Variants in FAM13A observed in about 807,000 individuals in gnomAD.
FAM13A encodes the protein protein FAM13A.
In FAM13A, 76 loss-of-function variants were observed where a neutral mutation model predicts 129.6. The observed-to-expected ratio is 0.59, with a 90% CI of 0.49 to 0.71. The LOEUF is 0.71. FAM13A is among the 30% of genes least tolerant of loss of function. FAM13A has a pLI of 0.00. For synonymous variants in FAM13A, 443 were observed against 449.9 expected (o/e 0.98, Z 0.20); for missense variants, 1,108 against 1,249.3 (o/e 0.89, Z 1.70).
At chr4:88,748,497 TTACA>T (rs1418551940) in intron 17 of FAM13A, among the ~76,000 whole-genome samples, 2 of 152,212 alleles carry the variant, frequency 1.3e-5, no homozygotes, top group Admixed American at 1.3e-4. Flanking sequence ...TCTGTATGAC[TTACA>T]CACCTTATTC....
intron 2 of FAM13A, among the ~76,000 whole-genome samples, chr4:89,027,144 C>G (rs1768067958): frequency 6.6e-6 from 1 of 152,146 alleles, no homozygotes; most frequent in Non-Finnish European, 1.5e-5. Flanking sequence ...TTCTCCTATA[C>G]ATACATATCT....
At chr4:88,880,567 G>A (rs1242188123) in intron 6 of FAM13A, among the ~76,000 whole-genome samples, 4 of 152,070 alleles carry the variant, frequency 2.6e-5, no homozygotes, top group Non-Finnish European at 4.4e-5. Context: ...AATTTCCACC[G>A]AACGCAGAGT....
intron 4 of FAM13A, among the ~76,000 whole-genome samples, chr4:88,970,782 C>T (rs1305368736): frequency 2.6e-5 from 4 of 151,820 alleles, no homozygotes; most frequent in Admixed American, 2.6e-4. Context: ...GGACAGATGG[C>T]TTAATACGTT....
At chr4:88,744,790 T>C (rs1419935582) in intron 19 of FAM13A, among the ~76,000 whole-genome samples, 6 of 151,728 alleles carry the variant, frequency 4.0e-5, no homozygotes, top group African/African-American at 4.8e-5. Context: ...CCTGAGGAGG[T>C]TGGAGCATCA....
At chr4:88,767,764 C>A (rs1745970194) in intron 12 of FAM13A, among the ~76,000 whole-genome samples, 169 bp from the exon 13 acceptor site, 2 of 152,102 alleles carry the variant, frequency 1.3e-5, no homozygotes, top group Non-Finnish European at 2.9e-5. Context: ...CAAAACAAAG[C>A]AAACTGGAAA....
At chr4:88,972,299 CT>C (rs57674045) in intron 4 of FAM13A, among the ~76,000 whole-genome samples, 615 of 137,596 alleles carry the variant, frequency 4.5e-3, no homozygotes, top group South Asian at 0.01. Flanking sequence ...TTCTCCTTCA[CT>C]TTTTTTTTTT....
rs140189720 is a variant in FAM13A, at chr4:88,962,324, C to T, written c.606-24083G>A. 5.1e-3 allele frequency among the ~76,000 whole-genome samples: 777 copies of T among 151,954 alleles called. 8 individuals carry two copies. Among genetic ancestry groups the T allele is most frequent in the African/African-American group, 0.018 (731 of 41,418 alleles). On this transcript the variant is annotated intron_variant, in intron 4 of 23. Coordinates refer to ENST00000264344, the MANE Select transcript of FAM13A (RefSeq NM_014883.4). ...CAAAAAAAGAGAAGGAAAGGATGAACGAGATTTAGGAAATTCGGAACAAGC... is the reference window on the plus strand; with the variant it reads ...CAAAAAAAGAGAAGGAAAGGATGAATGAGATTTAGGAAATTCGGAACAAGC...
At chr4:88,745,834 G>T (rs997303748) in intron 19 of FAM13A, among the ~76,000 whole-genome samples, 2 of 151,396 alleles carry the variant, frequency 1.3e-5, no homozygotes, top group African/African-American at 4.8e-5. Flanking sequence ...GCCAGCAGAA[G>T]AATCATCAGT....
intron 2 of FAM13A, among the ~76,000 whole-genome samples, chr4:89,024,005 T>C (rs1181941389): frequency 6.6e-6 from 1 of 152,244 alleles, no homozygotes; most frequent in African/African-American, 2.4e-5. Context: ...TTATATTTGA[T>C]TTTAAGCTAT....
intron 3 of FAM13A, among the ~76,000 whole-genome samples, chr4:89,008,289 G>A (rs1765315588): frequency 1.3e-5 from 2 of 152,182 alleles, no homozygotes; most frequent in Admixed American, 6.5e-5. Context: ...AGGAGGCAAG[G>A]AAGGTTAAAT....
At chr4:88,972,017 C>A (rs1425907165) in intron 4 of FAM13A, among the ~76,000 whole-genome samples, 1 of 152,076 alleles carries the variant, frequency 6.6e-6, no homozygotes, top group Non-Finnish European at 1.5e-5. Context: ...TCATTCATGT[C>A]ATTTATACGT....
intron 5 of FAM13A, among the ~76,000 whole-genome samples, chr4:88,935,607 T>G: frequency 6.6e-6 from 1 of 152,208 alleles, no homozygotes; most frequent in Non-Finnish European, 1.5e-5. Context: ...TTCTTCTTTT[T>G]CAGTATATTA....
At chr4:88,827,999 T>C (rs1561102466) in intron 7 of FAM13A, among the ~76,000 whole-genome samples, 1 of 152,218 alleles carries the variant, frequency 6.6e-6, no homozygotes, top group Non-Finnish European at 1.5e-5. Flanking sequence ...GGGTCACTAT[T>C]TTCAAATCTG....
intron 8 of FAM13A, among the ~76,000 whole-genome samples, chr4:88,797,368 G>A (rs1726424892): frequency 6.6e-6 from 1 of 151,628 alleles, no homozygotes; most frequent in African/African-American, 2.4e-5. Flanking sequence ...AAACTCCTGG[G>A]CTCAAGCAAT....
At chr4:88,971,172 C>T (rs983412052) in intron 4 of FAM13A, among the ~76,000 whole-genome samples, 4 of 152,126 alleles carry the variant, frequency 2.6e-5, no homozygotes, top group African/African-American at 9.7e-5. Context: ...GAGCCGAGAT[C>T]GCGCCACTGC....
chr4:88,747,880 A>C, intron 17 of FAM13A, 29 bp from the exon 18 acceptor site: 1 of 1,442,830 alleles, frequency 6.9e-7, no homozygotes, highest in South Asian at 1.2e-5. Context: ...GGGTAAAGAT[A>C]TATGAGATTT....
At chr4:88,963,697 A>G (rs1051815662) in intron 4 of FAM13A, among the ~76,000 whole-genome samples, 2 of 152,232 alleles carry the variant, frequency 1.3e-5, no homozygotes, top group Non-Finnish European at 2.9e-5. Context: ...AAAGACTTTT[A>G]AAAACCACCA....
chr4:88,962,673 T>C (rs563593921), intron 4 of FAM13A, among the ~76,000 whole-genome samples: 2 of 152,302 alleles, frequency 1.3e-5, no homozygotes, highest in African/African-American at 2.4e-5. Flanking sequence ...GTGTGGACTT[T>C]AATTTCATCA....
intron 7 of FAM13A, among the ~76,000 whole-genome samples, chr4:88,842,113 G>T (rs1201816805): frequency 1.3e-5 from 2 of 152,128 alleles, no homozygotes; most frequent in African/African-American, 4.8e-5. Context: ...CTACAACATG[G>T]ATGAGCCTTC....
Sources: allele counts gnomAD v4.1 joint callset (sites outside exome capture counted in the v4.1 genomes callset), GRCh38; gene constraint gnomAD v4.1.1; transcripts MANE v1.5; gene names NCBI Gene and HGNC (gene_info 2026-07-23, HGNC 2026-07-21).